The following COBLL1 variants were observed in gnomAD, a reference collection of about 807,000 sequenced individuals.
The protein encoded by COBLL1 is cordon-bleu WH2 repeat protein like 1.
Under a neutral mutation model 94.8 loss-of-function variants are expected in COBLL1, and 50 were observed. The ratio of observed to expected loss-of-function variants is 0.53; its 90% confidence interval spans 0.42 to 0.67. COBLL1 has a LOEUF of 0.67. Ranked by LOEUF, COBLL1 falls within the 30% of genes least tolerant of loss-of-function variation. The probability of loss-of-function intolerance (pLI) is 0.00; values close to 1 mark genes in which losing one functional copy is unlikely to be tolerated. For synonymous variants in COBLL1, 448 were observed against 473.8 expected, an observed-to-expected ratio of 0.95 and a Z score of 0.71; for missense variants, 1,362 against 1,348.7, an observed-to-expected ratio of 1.01 and a Z score of -0.15.
intron 2 of COBLL1, among the ~76,000 whole-genome samples, chr2:164,745,937 G>T (rs1316762730): frequency 6.6e-6 from 1 of 152,108 alleles, no homozygotes; most frequent in Non-Finnish European, 1.5e-5. Flanking sequence ...TTGGCACAAA[G>T]TTCATATATG....
intron 2 of COBLL1, among the ~76,000 whole-genome samples, chr2:164,772,576 C>T (rs1574559423): frequency 6.6e-6 from 1 of 151,966 alleles, no homozygotes; most frequent in Non-Finnish European, 1.5e-5. Flanking sequence ...TCTTTAAATA[C>T]TAATTAGCTC....
At chr2:164,712,285 G>T (rs1396782792) in intron 7 of COBLL1, among the ~76,000 whole-genome samples, 1 of 152,092 alleles carries the variant, frequency 6.6e-6, no homozygotes, top group Non-Finnish European at 1.5e-5. Context: ...ACACTCAGGG[G>T]ATAGAAACAT....
chr2:164,686,445 T>C (rs1220988890), intron 13 of COBLL1, among the ~76,000 whole-genome samples: 1 of 152,184 alleles, frequency 6.6e-6, no homozygotes, highest in African/African-American at 2.4e-5. Context: ...TTTGTACTGA[T>C]GGTATAAATT....
intron 2 of COBLL1, among the ~76,000 whole-genome samples, chr2:164,797,887 T>C (rs995186521): frequency 6.6e-6 from 1 of 152,188 alleles, no homozygotes; most frequent in Admixed American, 6.5e-5. Context: ...TCTTCCGTTT[T>C]AGGGAAAACC....
intron 2 of COBLL1, among the ~76,000 whole-genome samples, chr2:164,660,352 TC>T (rs1014918135): frequency 2.6e-5 from 4 of 152,198 alleles, no homozygotes; most frequent in Non-Finnish European, 4.4e-5. Context: ...GTTTTCTTGT[TC>T]CTCTTGGGGG....
At chr2:164,833,732 A>T (rs355797) in intron 2 of COBLL1, among the ~76,000 whole-genome samples, 11,087 of 152,058 alleles carry the variant, frequency 0.073, 450 homozygotes, top group Middle Eastern at 0.095. Flanking sequence ...TTACAGGCGT[A>T]AGCCACCGCG....
At chr2:164,699,675 T>C (rs1330921729) in intron 10 of COBLL1, among the ~76,000 whole-genome samples, 176 bp from the exon 11 acceptor site, 3 of 151,988 alleles carry the variant, frequency 2.0e-5, no homozygotes, top group Admixed American at 6.6e-5. Flanking sequence ...AGAAAAAATA[T>C]AACTGAGAAG....
At chr2:164,725,135 A>ATATATATATATATATATATATATATAT in intron 5 of COBLL1, 1 of 57,180 alleles carries the variant, frequency 1.7e-5, no homozygotes, top group African/African-American at 7.8e-5. Flanking sequence ...TATATATATA[A>ATATATATATATATATATATATATATAT]AATGAAAGCA....
At chr2:164,749,195 C>T (rs759848714) in intron 2 of COBLL1, among the ~76,000 whole-genome samples, 59 of 152,124 alleles carry the variant, frequency 3.9e-4, no homozygotes, top group Non-Finnish European at 6.0e-4. Context: ...ATACTTACAT[C>T]CTTAATAAGC....
At chr2:164,798,889 G>A (rs896743311) in intron 2 of COBLL1, among the ~76,000 whole-genome samples, 3 of 151,866 alleles carry the variant, frequency 2.0e-5, no homozygotes, top group Non-Finnish European at 4.4e-5. Flanking sequence ...GCAAGGTGGC[G>A]CACGTCTGTA....
chr2:164,671,030 G>A (rs1178521306), intron 1 of COBLL1, among the ~76,000 whole-genome samples: 1 of 152,132 alleles, frequency 6.6e-6, no homozygotes, highest in Non-Finnish European at 1.5e-5. Flanking sequence ...ATGAAGTCCA[G>A]GCATCAAGCA....
intron 2 of COBLL1, among the ~76,000 whole-genome samples, chr2:164,795,171 G>C (rs564164865): frequency 1.3e-5 from 2 of 152,144 alleles, no homozygotes; most frequent in African/African-American, 4.8e-5. Flanking sequence ...TTATAATTAT[G>C]TTCTAAAGGA....
At chr2:164,717,083 A>G (rs2105486051) in intron 7 of COBLL1, among the ~76,000 whole-genome samples, 1 of 152,282 alleles carries the variant, frequency 6.6e-6, no homozygotes, top group East Asian at 1.9e-4. Context: ...ACCCGCATGA[A>G]TAAGCATTTT....
At position 164,797,236 on chromosome 2, in the gene COBLL1, T is replaced by A. The variant is rs1683511360; in HGVS notation, c.41+43920A>T. Among the ~76,000 whole-genome samples the A allele has an allele frequency of 2.0e-5, 3 of 152,222 alleles. No individual in the cohort carries two copies. The South Asian group carries it at 6.2e-4, about 32-fold the overall frequency. On this transcript the variant is annotated intron_variant, in intron 2 of 13. Transcript: ENST00000652658. ...ACTAGGCAATGTTGGGCTTCCCTGA[T>A]GGCTGGAATCTGCCCATATTAAATA...
intron 7 of COBLL1, among the ~76,000 whole-genome samples, chr2:164,713,080 T>C (rs1684987120): frequency 6.6e-6 from 1 of 152,162 alleles, no homozygotes; most frequent in South Asian, 2.1e-4. Flanking sequence ...ATTTCTGATG[T>C]CCTGTATCTC....
chr2:164,796,257 C>T (rs1559024485), intron 2 of COBLL1, among the ~76,000 whole-genome samples: 1 of 152,072 alleles, frequency 6.6e-6, no homozygotes, highest in Admixed American at 6.6e-5. Flanking sequence ...CCAAATTAGA[C>T]CCTAATTAGG....
chr2:164,774,008 G>A (rs868231764), intron 2 of COBLL1, among the ~76,000 whole-genome samples: 1 of 152,084 alleles, frequency 6.6e-6, no homozygotes, highest in African/African-American at 2.4e-5. Flanking sequence ...TAAAATTGGA[G>A]AATCCAATTT....
At chr2:164,694,184 G>T in intron 12 of COBLL1, 85 bp downstream of exon 12, 1 of 1,292,068 alleles carries the variant, frequency 7.7e-7, no homozygotes, top group Non-Finnish European at 1.1e-6. Context: ...GAGTTAAGTA[G>T]CACACAAACA....
At chr2:164,719,572 A>T (rs563782105) in intron 7 of COBLL1, among the ~76,000 whole-genome samples, 3 of 152,014 alleles carry the variant, frequency 2.0e-5, no homozygotes, top group Admixed American at 6.5e-5. Context: ...CATAATGCCA[A>T]TTTCTGCCTG....
Sources: allele counts gnomAD v4.1 joint callset (sites outside exome capture counted in the v4.1 genomes callset), GRCh38; gene constraint gnomAD v4.1.1; transcripts MANE v1.5; gene names NCBI Gene and HGNC (gene_info 2026-07-23, HGNC 2026-07-21).